The following SGCZ variants were observed in gnomAD, a reference collection of about 807,000 sequenced individuals.
SGCZ encodes zeta-sarcoglycan.
A neutral mutation model predicts 41.3 loss-of-function variants in SGCZ; 40 were observed. The ratio of observed to expected loss-of-function variants is 0.97; its 90% CI spans 0.75 to 1.26. The LOEUF (loss-of-function observed/expected upper bound fraction) is 1.26. SGCZ is among the 50% of genes most tolerant of loss of function. SGCZ has a pLI of 0.00. For missense variants in SGCZ, 552 were observed against 369.8 expected (o/e 1.49, Z -4.04); for synonymous variants, 206 against 137.5 (o/e 1.50, Z -3.49).
At chr8:14,518,891 T>TA (rs1172223427) in intron 2 of SGCZ, among the ~76,000 whole-genome samples, 2,664 of 57,604 alleles carry the variant, frequency 0.046, 61 homozygotes, top group African/African-American at 0.19. Context: ...ACCCCATCTC[T>TA]ACCAAAAAAA....
intron 1 of SGCZ, among the ~76,000 whole-genome samples, chr8:15,151,841 A>G (rs1158260884): frequency 1.3e-5 from 2 of 152,358 alleles, no homozygotes; most frequent in East Asian, 1.9e-4. Flanking sequence ...GTAATGATCC[A>G]TCAATATACT....
intron 1 of SGCZ, among the ~76,000 whole-genome samples, chr8:14,777,823 A>T (rs1800458699): frequency 6.6e-6 from 1 of 151,730 alleles, no homozygotes; most frequent in Non-Finnish European, 1.5e-5. Context: ...CAAAATGTTA[A>T]TTGAATCTGA....
At chr8:14,747,293 G>T (rs564299707) in intron 1 of SGCZ, among the ~76,000 whole-genome samples, 1 of 152,206 alleles carries the variant, frequency 6.6e-6, no homozygotes, top group South Asian at 2.1e-4. Flanking sequence ...TAAACTTGTA[G>T]CCTGAGAGTA....
chr8:14,436,841 C>T (rs1442438644), intron 2 of SGCZ, among the ~76,000 whole-genome samples: 2 of 152,186 alleles, frequency 1.3e-5, no homozygotes, highest in African/African-American at 2.4e-5. Context: ...GAACTCACCA[C>T]TTCTTTGTTG....
At chr8:14,511,344 T>C (rs1404422664) in intron 2 of SGCZ, among the ~76,000 whole-genome samples, 4 of 152,096 alleles carry the variant, frequency 2.6e-5, no homozygotes, top group African/African-American at 9.7e-5. Context: ...GAGATTTTAC[T>C]TTTAATTATA....
intron 3 of SGCZ, among the ~76,000 whole-genome samples, chr8:14,308,853 A>G (rs879926368): frequency 5.3e-5 from 8 of 152,138 alleles, no homozygotes; most frequent in Non-Finnish European, 1.0e-4. Flanking sequence ...GGAAAGAATG[A>G]AGCCCTTTCT....
In SGCZ at chr8:15,173,910, T is replaced by G. The variant is rs1028185780; in HGVS notation, c.39+63675A>C. Among the ~76,000 whole-genome samples the G allele has an allele frequency of 2.0e-5, 3 of 152,260 alleles. No homozygotes were observed. In the East Asian group the frequency reaches 5.8e-4, roughly 29 times the overall value. ...ACCTGGCTAATTTTTTTATTTTTAATAGAGGCAAAGTCTCACTACATTACT... is the reference window on the plus strand; with the variant it reads ...ACCTGGCTAATTTTTTTATTTTTAAGAGAGGCAAAGTCTCACTACATTACT... On this transcript the variant is annotated intron_variant, in intron 1 of 7. Coordinates refer to ENST00000382080, the MANE Select transcript of SGCZ (RefSeq NM_139167.4).
At chr8:15,190,505 TG>T in intron 1 of SGCZ, among the ~76,000 whole-genome samples, 1 of 152,228 alleles carries the variant, frequency 6.6e-6, no homozygotes, top group African/African-American at 2.4e-5. Flanking sequence ...TCAGACACTG[TG>T]GTGTACTTAC....
chr8:15,237,038 T>G lies in SGCZ; in HGVS notation c.39+547A>C, dbSNP rs562381318. 2.9e-3 allele frequency among the ~76,000 whole-genome samples: 439 copies of G among 151,848 alleles called. 3 individuals carry two copies. The highest frequency in any genetic ancestry group is 1.0e-2 in the African/African-American group (414 of 41,430). ...GGGAGGAAACACTGCCCGCGGGCGG[T>G]GGGAGGGAAAAGGGGTCTCACGAAG... On this transcript the variant is annotated intron_variant, in intron 1 of 7. Coordinates refer to ENST00000382080, the MANE Select transcript of SGCZ (RefSeq NM_139167.4).
intron 1 of SGCZ, among the ~76,000 whole-genome samples, chr8:14,613,685 A>C (rs1284803978): frequency 6.6e-6 from 1 of 152,228 alleles, no homozygotes; most frequent in Non-Finnish European, 1.5e-5. Context: ...AAATAATTGC[A>C]TCATTTTTAA....
At position 14,836,473 on chromosome 8, in the gene SGCZ, C is replaced by G. The variant is rs79412231; in HGVS notation, c.40-281547G>C. On this transcript the variant is annotated intron_variant, in intron 1 of 7. Transcript: ENST00000382080. ...ATCCCGCTTTCTAGTCTGTCGCCCT[C>G]CCTCTCTGCATTTACCCAACACTCA... 1.5e-3 allele frequency among the ~76,000 whole-genome samples: 225 copies of G among 152,232 alleles called. 2 individuals are homozygous for G. Among genetic ancestry groups the G allele is most frequent in the Middle Eastern group, 6.8e-3 (2 of 294 alleles).
At chr8:14,095,909 G>A (rs895637596) in intron 7 of SGCZ, among the ~76,000 whole-genome samples, 1 of 152,046 alleles carries the variant, frequency 6.6e-6, no homozygotes, top group East Asian at 1.9e-4. Context: ...CTGTTTGTCT[G>A]TTATTGGTGT....
intron 1 of SGCZ, among the ~76,000 whole-genome samples, chr8:15,174,471 C>A (rs889756641): frequency 6.6e-6 from 1 of 152,082 alleles, no homozygotes; most frequent in Admixed American, 6.5e-5. Context: ...AGCAAAAAAA[C>A]TAAGCAGCTG....
intron 1 of SGCZ, among the ~76,000 whole-genome samples, chr8:14,652,589 GCT>G (rs768371126): frequency 1.3e-4 from 19 of 151,866 alleles, no homozygotes; most frequent in Non-Finnish European, 2.6e-4. Context: ...GCATATGAAG[GCT>G]CTGCTAAAAT....
intron 3 of SGCZ, among the ~76,000 whole-genome samples, chr8:14,269,890 T>G (rs903115201): frequency 1.3e-5 from 2 of 152,156 alleles, no homozygotes; most frequent in Admixed American, 6.5e-5. Context: ...GTTTATTTGT[T>G]ATGTAAATAT....
In SGCZ at chr8:14,241,719, T is replaced by C. The variant is rs368255567; in HGVS notation, c.337-4040A>G. 7.2e-5 allele frequency among the ~76,000 whole-genome samples: 11 copies of C among 152,102 alleles called. No homozygotes were observed. In the East Asian group the frequency reaches 2.1e-3, roughly 29 times the overall value. ...TATGTCACTCTTTAGACAAAGCAGA[T>C]AGGTGATCCAGTTAGAAAGGCAACG... On this transcript the variant is annotated intron_variant, in intron 3 of 7. Coordinates refer to ENST00000382080, the MANE Select transcript of SGCZ (RefSeq NM_139167.4).
chr8:15,072,501 T>C (rs1563485537), intron 1 of SGCZ, among the ~76,000 whole-genome samples: 1 of 152,170 alleles, frequency 6.6e-6, no homozygotes, highest in Non-Finnish European at 1.5e-5. Context: ...GCCTTAAATA[T>C]AAAGCCCATC....
At chr8:15,122,340 T>C (rs930153736) in intron 1 of SGCZ, among the ~76,000 whole-genome samples, 5 of 152,286 alleles carry the variant, frequency 3.3e-5, no homozygotes, top group Admixed American at 1.3e-4. Context: ...ATTCAAGACT[T>C]AGAAACAGTG....
intron 1 of SGCZ, among the ~76,000 whole-genome samples, chr8:14,624,558 T>TTTTTA (rs1806389209): frequency 2.3e-5 from 1 of 43,476 alleles, no homozygotes; most frequent in Non-Finnish European, 4.7e-5. Flanking sequence ...TATTATTATT[T>TTTTTA]TTTTTTTTTT....
Sources: gnomAD v4.1 joint callset for allele counts (sites outside exome capture counted in the v4.1 genomes callset) on GRCh38, gnomAD v4.1.1 for gene constraint, MANE v1.5 for transcripts, NCBI Gene and HGNC (gene_info 2026-07-23, HGNC 2026-07-21) for gene names.